Variants in CASP9 observed in about 807,000 individuals in gnomAD.
The protein encoded by CASP9 is caspase 9.
A neutral mutation model predicts 43.5 loss-of-function variants in CASP9; 29 were observed. The observed-to-expected ratio is 0.67, with a 90% CI of 0.50 to 0.91. The LOEUF (loss-of-function observed/expected upper bound fraction) is 0.91, where lower values mean the gene tolerates loss of function less well. Ranked by LOEUF, CASP9 falls within the 40% of genes least tolerant of loss-of-function variation. The pLI, the probability that CASP9 is intolerant of heterozygous loss-of-function variation, is 0.00. For missense variants in CASP9, 575 were observed against 537.4 expected, an observed-to-expected ratio of 1.07 and a Z score of -0.69; for synonymous variants, 206 against 211.9, an observed-to-expected ratio of 0.97 and a Z score of 0.24.
intron 1 of CASP9, 138 bp from the exon 2 acceptor site, chr1:15,518,533 G>GTT: frequency 1.2e-6 from 1 of 842,686 alleles, no homozygotes. Context: ...TGCACTGTGT[G>GTT]CCATTTACCA....
intron 5 of CASP9, 47 bp downstream of exon 5, chr1:15,505,943 C>A: frequency 7.0e-7 from 1 of 1,434,338 alleles, no homozygotes; most frequent in Non-Finnish European, 9.8e-7. Flanking sequence ...CCTCTTGGCA[C>A]GGCCAGTACC....
chr1:15,493,439 G>A (rs1708967660), intron 8 of CASP9: 1 of 1,249,464 alleles, frequency 8.0e-7, no homozygotes, highest in East Asian at 3.6e-5. Flanking sequence ...GGCCTATCAG[G>A]CCACCCTTCC....
Position 15,492,570 on chromosome 1 carries a change from A to G in CASP9, c.*373T>C. On this transcript the variant is annotated 3_prime_UTR_variant, in exon 9 of 9. Coordinates refer to ENST00000333868, the MANE Select transcript of CASP9 (RefSeq NM_001229.5). ...GCATTGAGGCAAGGGACAGTGCTGA[A>G]CATCCCACAATGTACAGGACAGCCT... is the stretch of plus-strand genomic sequence containing the variant. 1 of 214,758 alleles carries G rather than the reference A, an allele frequency of 4.7e-6. No homozygotes were observed. The highest frequency in any genetic ancestry group is 9.2e-6 in the Non-Finnish European group (1 of 109,150). 13.3% of individuals were successfully genotyped at this position (214,758 alleles called of 1,614,324 possible). A position where few individuals can be genotyped will look rare whatever the true frequency, so the allele number is the denominator to read the frequency against.
chr1:15,498,381 C>T (rs1354799522), intron 6 of CASP9, among the ~76,000 whole-genome samples: 3 of 151,580 alleles, frequency 2.0e-5, no homozygotes, highest in Non-Finnish European at 1.5e-5. Flanking sequence ...AAGAGACACA[C>T]TTTTGCTCTG....
chr1:15,524,337 C>A, upstream of CASP9: 5 of 1,418,594 alleles, frequency 3.5e-6, no homozygotes, highest in South Asian at 4.5e-5. Context: ...CGCTCCCCAC[C>A]GCCTCCGGAC....
At position 15,506,934 on chromosome 1, in the gene CASP9, A is replaced by C; in HGVS notation, c.595T>G (p.Phe199Val). The C allele has an allele frequency of 6.2e-7, 1 of 1,614,104 alleles. No individual in the cohort carries two copies. The highest frequency in any genetic ancestry group is 8.5e-7 in the Non-Finnish European group (1 of 1,179,984). Reference sequence around the variant, plus strand: ...AGGTCGCCCTTCACCTCCACCATGAAATGCAGCGAGGAGAAGCGACGCCGC... The same window carrying C: ...AGGTCGCCCTTCACCTCCACCATGACATGCAGCGAGGAGAAGCGACGCCGC... ...KLRRRFSSLH[F>V]MVEVKGDLTA... Residue 199 changes from phenylalanine to valine, a missense_variant, in exon 4 of 9, where the codon TTC becomes GTC. By Grantham distance (50) the Phe-to-Val change is conservative. Transcript: ENST00000333868.
chr1:15,513,178 C>T (rs922361506), intron 2 of CASP9, among the ~76,000 whole-genome samples: 1 of 145,700 alleles, frequency 6.9e-6, no homozygotes, highest in South Asian at 2.2e-4. Context: ...AAAAAAAAAA[C>T]GAACGGCTCA....
At chr1:15,500,126 A>AG (rs4646081) in intron 6 of CASP9, among the ~76,000 whole-genome samples, 1 of 151,502 alleles carries the variant, frequency 6.6e-6, no homozygotes, top group African/African-American at 2.4e-5. Context: ...TTGGTTAAAA[A>AG]ATATAAATAT....
chr1:15,510,091 G>C (rs552759729), intron 2 of CASP9, among the ~76,000 whole-genome samples: 1 of 152,038 alleles, frequency 6.6e-6, no homozygotes, highest in African/African-American at 2.4e-5. Flanking sequence ...CATCACGCTT[G>C]GCTAATTTTT....
chr1:15,494,098 A>G (rs1291491760), intron 7 of CASP9, 97 bp from the exon 8 acceptor site: 19 of 1,461,664 alleles, frequency 1.3e-5, no homozygotes, highest in Non-Finnish European at 1.7e-5. Flanking sequence ...GGCGCCCTCC[A>G]GACCTTGACT....
At chr1:15,524,597 C>A, upstream of CASP9, 1 of 1,012,662 alleles carries the variant, frequency 9.9e-7, no homozygotes, top group Non-Finnish European at 1.2e-6. Context: ...CGTCACCGCC[C>A]CGCCCCCGCG....
At chr1:15,497,867 G>A (rs902705988) in intron 6 of CASP9, among the ~76,000 whole-genome samples, 2 of 152,108 alleles carry the variant, frequency 1.3e-5, no homozygotes, top group African/African-American at 2.4e-5. Flanking sequence ...GAGCAAAATT[G>A]GAGGACTCAC....
At chr1:15,500,248 G>C (rs1709271712) in intron 6 of CASP9, among the ~76,000 whole-genome samples, 1 of 152,196 alleles carries the variant, frequency 6.6e-6, no homozygotes, top group African/African-American at 2.4e-5. Context: ...CACTCCTGGA[G>C]AATGTGACTG....
chr1:15,518,583 T>C (rs1710052776), intron 1 of CASP9, among the ~76,000 whole-genome samples, 188 bp from the exon 2 acceptor site: 1 of 152,236 alleles, frequency 6.6e-6, no homozygotes, highest in Non-Finnish European at 1.5e-5. Context: ...GGGCAAAAGA[T>C]GCCCAGCACT....
At chr1:15,510,671 G>A (rs1347680371) in intron 2 of CASP9, among the ~76,000 whole-genome samples, 3 of 152,088 alleles carry the variant, frequency 2.0e-5, no homozygotes, top group Non-Finnish European at 4.4e-5. Context: ...AGACACTCCA[G>A]GCAGAGGCCC....
intron 4 of CASP9, 77 bp from the exon 5 acceptor site, chr1:15,506,156 G>GGCA (rs1709512363): frequency 1.0e-6 from 1 of 1,001,400 alleles, no homozygotes; most frequent in African/African-American, 1.6e-5. Context: ...AACAATAAAA[G>GGCA]GGCCCAGCCT....
chr1:15,495,016 G>A (rs1709051327), intron 7 of CASP9, among the ~76,000 whole-genome samples: 2 of 151,990 alleles, frequency 1.3e-5, no homozygotes, highest in South Asian at 2.1e-4. Context: ...CTAAAGATGC[G>A]AAGGCAGAGG....
chr1:15,497,592 G>A (rs995971662), intron 6 of CASP9, among the ~76,000 whole-genome samples: 16 of 150,870 alleles, frequency 1.1e-4, no homozygotes, highest in South Asian at 2.1e-4. Flanking sequence ...GCAGTGAGCC[G>A]AGATGGCGCC....
upstream of CASP9, chr1:15,524,634 T>A (rs1710378626): frequency 7.4e-6 from 7 of 943,048 alleles, no homozygotes; most frequent in South Asian, 2.3e-4. Flanking sequence ...AGGACGCATC[T>A]CCAACGCCTC....
Sources: gnomAD v4.1 joint callset for allele counts (sites outside exome capture counted in the v4.1 genomes callset) on GRCh38, gnomAD v4.1.1 for gene constraint, MANE v1.5 for transcripts, NCBI Gene and HGNC (gene_info 2026-07-23, HGNC 2026-07-21) for gene names.